The following FAM184A variants were observed in gnomAD, a reference collection of about 807,000 sequenced individuals.
The protein encoded by FAM184A is family with sequence similarity 184 member A.
FAM184A carries 99 observed loss-of-function variants against 143.8 expected under a neutral mutation model. The observed-to-expected ratio is 0.69, with a 90% confidence interval of 0.58 to 0.81. The LOEUF is 0.81. Ranked by LOEUF, FAM184A falls within the 40% of genes least tolerant of loss-of-function variation. The probability of loss-of-function intolerance (pLI) is 0.00; values close to 1 mark genes in which losing one functional copy is unlikely to be tolerated. For missense variants in FAM184A, 1,217 were observed against 1,310.5 expected (o/e 0.93, Z 1.10); for synonymous variants, 427 against 446.4 (o/e 0.96, Z 0.55).
Position 118,980,299 on chromosome 6 carries a change from A to G in FAM184A, c.2140T>C (p.Ser714Pro), listed in dbSNP as rs570681409. Residue 714 changes from serine (S) to proline (P), a missense_variant, in exon 10 of 18, where the codon TCT (serine) becomes CCT (proline). Transcript: ENST00000338891. ...LEIQLSQSQT[S>P]LQQLQAQFTQ... ...AACTGGGCTTGCAGTTGTTGCAAAGAAGTCTGAGACTGGGAAAGCTGTATC... is the reference window on the plus strand; with the variant it reads ...AACTGGGCTTGCAGTTGTTGCAAAGGAGTCTGAGACTGGGAAAGCTGTATC... 1 of 1,614,072 alleles carries G rather than the reference A, an allele frequency of 6.2e-7. No homozygotes were observed. Among genetic ancestry groups the G allele is most frequent in the East Asian group, 2.2e-5 (1 of 44,872 alleles).
At chr6:119,040,256 G>C (rs964653819) in intron 1 of FAM184A, among the ~76,000 whole-genome samples, 1 of 152,152 alleles carries the variant, frequency 6.6e-6, no homozygotes, top group Non-Finnish European at 1.5e-5. Context: ...TGGATTTGCC[G>C]CCGGTAACTC....
intron 6 of FAM184A, among the ~76,000 whole-genome samples, chr6:119,008,984 T>A (rs1438404998): frequency 1.3e-5 from 2 of 152,126 alleles, no homozygotes; most frequent in Non-Finnish European, 2.9e-5. Flanking sequence ...ATATACTAAT[T>A]GAGAGAAAGA....
At chr6:119,015,970 G>A (rs973975265) in intron 5 of FAM184A, among the ~76,000 whole-genome samples, 10 of 151,114 alleles carry the variant, frequency 6.6e-5, no homozygotes, top group African/African-American at 2.4e-4. Flanking sequence ...TACACCAATC[G>A]ACACTCTGTA....
chr6:118,981,323 G>A (rs1361993659), intron 9 of FAM184A, among the ~76,000 whole-genome samples: 1 of 152,140 alleles, frequency 6.6e-6, no homozygotes, highest in African/African-American at 2.4e-5. Context: ...TCTAAAAGAA[G>A]TCTAAATCTA....
intron 1 of FAM184A, among the ~76,000 whole-genome samples, chr6:119,117,081 G>A (rs1402768089): frequency 6.6e-6 from 1 of 152,198 alleles, no homozygotes; most frequent in Admixed American, 6.5e-5. Context: ...TACCAGGTGC[G>A]ACCAGCAGGG....
chr6:119,059,265 ACAC>A (rs1337984955), intron 1 of FAM184A, among the ~76,000 whole-genome samples: 8 of 152,318 alleles, frequency 5.3e-5, no homozygotes, highest in African/African-American at 1.9e-4. Context: ...TAGGTGTGAA[ACAC>A]CACACCTGGC....
chr6:119,080,434 T>C (rs1374408788), upstream of FAM184A, among the ~76,000 whole-genome samples: 2 of 152,186 alleles, frequency 1.3e-5, no homozygotes, highest in African/African-American at 4.8e-5. Flanking sequence ...AGGACCCTTT[T>C]CTTAAATACT....
chr6:119,083,721 A>G (rs1041101379), intron 1 of FAM184A, among the ~76,000 whole-genome samples: 3 of 152,134 alleles, frequency 2.0e-5, no homozygotes, highest in Non-Finnish European at 4.4e-5. Flanking sequence ...TTCATTGTCT[A>G]TATCACTATC....
upstream of FAM184A, chr6:119,078,974 A>C (rs1296379900): frequency 2.6e-5 from 4 of 152,310 alleles, no homozygotes; most frequent in Non-Finnish European, 5.9e-5. The surrounding 1 kb of genome is among the most constrained non-coding windows in gnomAD (Gnocchi z 5.5). Context: ...AAAAAAAAAA[A>C]GTATCCCCAA....
rs1159178580 is a variant in FAM184A at position 119,003,597 on chromosome 6, T to C, written c.1841A>G (p.Gln614Arg). 3.1e-6 allele frequency: 5 copies of C among 1,612,390 alleles called. No individual in the cohort carries two copies. The highest frequency in any genetic ancestry group is 1.6e-4 in the Middle Eastern group (1 of 6,074). ...CATGGCAGCAATTGTTTCTTCATGC[T>C]GTTGCCTTTCTTGTTCTAGCTCACC... ...VEGELEQERQ[Q>R]HEETIAAMKE... Residue 614 changes from glutamine (Q) to arginine (R), a missense_variant, in exon 8 of 18, where the codon CAG becomes CGG. Coordinates refer to ENST00000338891, the MANE Select transcript of FAM184A (RefSeq NM_024581.6).
intron 1 of FAM184A, among the ~76,000 whole-genome samples, chr6:119,143,330 C>T (rs1772308706): frequency 6.6e-6 from 1 of 152,182 alleles, no homozygotes; most frequent in Admixed American, 6.5e-5. Flanking sequence ...CTTCCCCCAA[C>T]ATGAACTTGC....
intron 4 of FAM184A, among the ~76,000 whole-genome samples, chr6:119,019,271 G>C (rs1026151332): frequency 6.6e-6 from 1 of 152,302 alleles, no homozygotes; most frequent in Admixed American, 6.5e-5. Flanking sequence ...TCAGTGGGTA[G>C]TAAGTACCAC....
intron 1 of FAM184A, among the ~76,000 whole-genome samples, chr6:119,046,954 G>A (rs1786558528): frequency 6.6e-6 from 1 of 152,058 alleles, no homozygotes; most frequent in African/African-American, 2.4e-5. Flanking sequence ...AACCCACAGA[G>A]TAGAAAATAT....
chr6:119,137,472 C>T (rs1472423391), intron 1 of FAM184A, among the ~76,000 whole-genome samples: 2 of 152,126 alleles, frequency 1.3e-5, no homozygotes, highest in Non-Finnish European at 2.9e-5. Flanking sequence ...CACAATTGGA[C>T]CTCATTTAAT....
At chr6:119,004,020 G>C (rs1316084804) in intron 7 of FAM184A, among the ~76,000 whole-genome samples, 1 of 152,108 alleles carries the variant, frequency 6.6e-6, no homozygotes, top group Admixed American at 6.5e-5. Context: ...TATGTTACTT[G>C]CTCAAAACTT....
intron 17 of FAM184A, chr6:118,960,748 A>C (rs1195461137): frequency 7.6e-7 from 1 of 1,317,518 alleles, no homozygotes; most frequent in Non-Finnish European, 1.0e-6. Context: ...GGGCTACTTA[A>C]GAAAACAAAA....
chr6:119,087,559 G>A (rs1788253398), intron 1 of FAM184A, among the ~76,000 whole-genome samples: 1 of 152,162 alleles, frequency 6.6e-6, no homozygotes, highest in African/African-American at 2.4e-5. Context: ...CCATTAGAAT[G>A]GCTGCTATCA....
At chr6:119,030,943 T>C (rs1785847334) in intron 1 of FAM184A, among the ~76,000 whole-genome samples, 1 of 151,248 alleles carries the variant, frequency 6.6e-6, no homozygotes, top group South Asian at 2.1e-4. Context: ...AGTTCCGTTT[T>C]ATGCCAATGA....
At chr6:119,106,167 C>T (rs761271588) in intron 1 of FAM184A, among the ~76,000 whole-genome samples, 9 of 152,048 alleles carry the variant, frequency 5.9e-5, no homozygotes, top group African/African-American at 1.9e-4. Context: ...CCGAGGCGGG[C>T]GGATCACAAG....
Sources: gnomAD v4.1 joint callset for allele counts (sites outside exome capture counted in the v4.1 genomes callset) on GRCh38, gnomAD v4.1.1 for gene constraint, Gnocchi (gnomAD v3.1) non-coding constraint, MANE v1.5 for transcripts, NCBI Gene and HGNC (gene_info 2026-07-23, HGNC 2026-07-21) for gene names.